Variants in MACROD2 observed in about 807,000 individuals in gnomAD.
MACROD2 encodes the protein ADP-ribose glycohydrolase MACROD2.
In MACROD2, 36 loss-of-function variants were observed where a neutral mutation model predicts 70.4. The ratio of observed to expected loss-of-function variants is 0.51; its 90% CI spans 0.39 to 0.68. The LOEUF (loss-of-function observed/expected upper bound fraction) is 0.68, where lower values mean the gene tolerates loss of function less well. Ranked by LOEUF, MACROD2 falls within the 30% of genes least tolerant of loss-of-function variation. The pLI is 0.00. For missense variants in MACROD2, 496 were observed against 538.4 expected, an observed-to-expected ratio of 0.92 and a Z score of 0.78; for synonymous variants, 172 against 178.8, an observed-to-expected ratio of 0.96 and a Z score of 0.30.
intron 3 of MACROD2, among the ~76,000 whole-genome samples, chr20:14,187,041 T>G (rs2081350543): frequency 6.7e-6 from 1 of 150,328 alleles, no homozygotes; most frequent in Non-Finnish European, 1.5e-5. Context: ...ATTCTTATAC[T>G]AAGCCTCAGC....
chr20:15,067,277 CTTA>C (rs2075584370), intron 5 of MACROD2, among the ~76,000 whole-genome samples: 1 of 152,078 alleles, frequency 6.6e-6, no homozygotes, highest in Non-Finnish European at 1.5e-5. Flanking sequence ...TACCCTAATG[CTTA>C]TTATTATATG....
intron 5 of MACROD2, among the ~76,000 whole-genome samples, chr20:15,209,786 A>G (rs2076745445): frequency 6.6e-6 from 1 of 152,188 alleles, no homozygotes. Flanking sequence ...AGACAAACAA[A>G]CCTAAGGCCA....
chr20:14,700,730 G>A (rs2071187344), intron 5 of MACROD2, among the ~76,000 whole-genome samples: 1 of 152,072 alleles, frequency 6.6e-6, no homozygotes, highest in African/African-American at 2.4e-5. Context: ...GTGAATGTTG[G>A]TGCCTTTATG....
chr20:15,353,957 C>A (rs1263553085), intron 6 of MACROD2, among the ~76,000 whole-genome samples: 1 of 142,022 alleles, frequency 7.0e-6, no homozygotes, highest in African/African-American at 2.7e-5. Context: ...CCTCAGGGAT[C>A]TAGAACTAGA....
chr20:15,965,884 A>G (rs2066133828), intron 12 of MACROD2, among the ~76,000 whole-genome samples: 1 of 152,222 alleles, frequency 6.6e-6, no homozygotes, highest in African/African-American at 2.4e-5. Context: ...AGAAAGAAAT[A>G]AGAAGCTGTG....
intron 4 of MACROD2, among the ~76,000 whole-genome samples, chr20:14,556,496 T>C (rs1035808041): frequency 6.6e-6 from 1 of 152,052 alleles, no homozygotes; most frequent in Non-Finnish European, 1.5e-5. Flanking sequence ...TTGTTTTCTT[T>C]AGGCAAAGGA....
chr20:14,042,993 A>T (rs1449525409), intron 2 of MACROD2, among the ~76,000 whole-genome samples: 1 of 148,466 alleles, frequency 6.7e-6, no homozygotes, highest in Non-Finnish European at 1.5e-5. Context: ...AACACAGCTC[A>T]CCACAGCCTC....
chr20:14,710,637 AT>A (rs2071327552), intron 5 of MACROD2, among the ~76,000 whole-genome samples: 1 of 151,996 alleles, frequency 6.6e-6, no homozygotes, highest in African/African-American at 2.4e-5. Flanking sequence ...TTTTAAGATG[AT>A]TCAGAAATGC....
chr20:15,566,793 G>T (rs2048316338), intron 8 of MACROD2, among the ~76,000 whole-genome samples: 1 of 152,142 alleles, frequency 6.6e-6, no homozygotes, highest in African/African-American at 2.4e-5. Context: ...CTGTTTATCT[G>T]CAGGTCTCTT....
chr20:15,673,105 G>A (rs985114898), intron 8 of MACROD2, among the ~76,000 whole-genome samples: 1 of 152,076 alleles, frequency 6.6e-6, no homozygotes. Context: ...TTTATTAACA[G>A]TGTGTAAACA....
At chr20:14,484,836 A>G (rs2084703793) in intron 3 of MACROD2, among the ~76,000 whole-genome samples, 1 of 152,084 alleles carries the variant, frequency 6.6e-6, no homozygotes, top group South Asian at 2.1e-4. Context: ...TTATCCATTC[A>G]TCTGTTGATG....
chr20:15,667,993 CGTGA>C (rs1568963308), intron 8 of MACROD2, among the ~76,000 whole-genome samples: 4 of 152,032 alleles, frequency 2.6e-5, no homozygotes, highest in African/African-American at 9.7e-5. Flanking sequence ...TGGCTCACAC[CGTGA>C]GTGTGTAATC....
intron 3 of MACROD2, among the ~76,000 whole-genome samples, chr20:14,383,567 A>G (rs778894199): frequency 5.3e-5 from 8 of 152,216 alleles, no homozygotes; most frequent in Non-Finnish European, 1.2e-4. Context: ...AGGGATAGAA[A>G]GACTTTATGC....
intron 2 of MACROD2, among the ~76,000 whole-genome samples, chr20:14,023,103 G>C (rs955229066): frequency 2.0e-5 from 3 of 152,186 alleles, no homozygotes; most frequent in Non-Finnish European, 4.4e-5. Flanking sequence ...CATTCTAACT[G>C]GCGTGAGATA....
Position 15,858,774 on chromosome 20 carries a change from G to T in MACROD2, c.646-3971G>T, listed in dbSNP as rs557817864. Among the ~76,000 whole-genome samples the T allele has an allele frequency of 9.3e-4, 142 of 152,294 alleles. 1 individual carries two copies. The highest frequency in any genetic ancestry group is 3.3e-3 in the African/African-American group (138 of 41,558). On this transcript the variant is annotated intron_variant, in intron 8 of 17. Transcript: ENST00000684519. The stretch of plus-strand genomic sequence containing the variant: ...CTCATGGCATGGTGGTTGGGTACAA[G>T]AGCGAGGCTCCCAAGAAGACCAGGC...
intron 6 of MACROD2, among the ~76,000 whole-genome samples, chr20:15,269,151 T>G (rs2077323426): frequency 6.6e-6 from 1 of 152,258 alleles, no homozygotes; most frequent in African/African-American, 2.4e-5. Context: ...CCTTCACAAT[T>G]CTCTGTGGGA....
intron 6 of MACROD2, among the ~76,000 whole-genome samples, chr20:15,366,064 C>T (rs2045404629): frequency 6.6e-6 from 1 of 152,084 alleles, no homozygotes; most frequent in African/African-American, 2.4e-5. Flanking sequence ...TGACATGTAG[C>T]CAAAGGTGGA....
intron 8 of MACROD2, among the ~76,000 whole-genome samples, chr20:15,635,935 G>A (rs754113404): frequency 6.6e-6 from 1 of 151,852 alleles, no homozygotes; most frequent in South Asian, 2.1e-4. Flanking sequence ...GGGCGTGGTG[G>A]TGCATGCTTG....
chr20:15,357,798 CTTTTTTTTTTTTTT>C (rs200860242), intron 6 of MACROD2, among the ~76,000 whole-genome samples: 10 of 135,692 alleles, frequency 7.4e-5, no homozygotes, highest in South Asian at 2.3e-4. Flanking sequence ...TTCATTCATT[CTTTTTTTTTTTTTT>C]TTTTTTTTTT....
Sources: gnomAD v4.1 joint callset for allele counts (sites outside exome capture counted in the v4.1 genomes callset) on GRCh38, gnomAD v4.1.1 for gene constraint, MANE v1.5 for transcripts, NCBI Gene and HGNC (gene_info 2026-07-23, HGNC 2026-07-21) for gene names.